Variants in PIGN observed in about 807,000 individuals in gnomAD.
PIGN encodes phosphatidylinositol glycan anchor biosynthesis class N, also known as GPI ethanolamine phosphate transferase 1.
PIGN carries 117 observed loss-of-function variants against 125.4 expected under a neutral mutation model. The observed-to-expected ratio is 0.93, with a 90% CI of 0.80 to 1.09. The LOEUF (loss-of-function observed/expected upper bound fraction) is 1.09, where lower values mean the gene tolerates loss of function less well. Among genes scored for constraint, PIGN ranks in the 50% least tolerant of loss-of-function variants. PIGN has a pLI of 0.00. For missense variants in PIGN, 1,075 were observed against 1,094.9 expected (o/e 0.98, Z 0.26); for synonymous variants, 392 against 377.8 (o/e 1.04, Z -0.44).
At chr18:62,147,466 C>A (rs1292620756) in intron 8 of PIGN, among the ~76,000 whole-genome samples, 1 of 152,134 alleles carries the variant, frequency 6.6e-6, no homozygotes, top group Non-Finnish European at 1.5e-5. Flanking sequence ...TATTTTCATT[C>A]CCTAAAGTGC....
At chr18:62,048,232 T>A (rs1417621206) in intron 30 of PIGN, among the ~76,000 whole-genome samples, 1 of 152,092 alleles carries the variant, frequency 6.6e-6, no homozygotes, top group Non-Finnish European at 1.5e-5. Flanking sequence ...GATCTAACAT[T>A]TGTGTCACTG....
At chr18:62,052,531 CT>C in intron 30 of PIGN, 1 of 138,168 alleles carries the variant, frequency 7.2e-6, no homozygotes, top group Non-Finnish European at 1.6e-5. Context: ...CAACCCCTGC[CT>C]TTTTTTGTTT....
Position 62,086,446 on chromosome 18 carries a change from G to A in PIGN, c.2371-1182C>T, listed in dbSNP as rs148612345. 3.0e-3 allele frequency among the ~76,000 whole-genome samples: 458 copies of A among 151,976 alleles called. 1 individual carries two copies. The highest frequency in any genetic ancestry group is 0.01 in the African/African-American group (427 of 41,496). ...ATCCTGGCCAACATGGTGAAACCCC[G>A]TCTCTACTAAAAATACAAAAATTAG... On this transcript the variant is annotated intron_variant, in intron 25 of 30. Coordinates refer to ENST00000640252, the MANE Select transcript of PIGN (RefSeq NM_176787.5).
At position 62,124,978 on chromosome 18, in the gene PIGN, T is replaced by G. The variant is rs909756347; in HGVS notation, c.1173-10339A>C. On this transcript the variant is annotated intron_variant, in intron 14 of 30. Transcript: ENST00000640252. Reference sequence around the variant, plus strand: ...AAAAAGCATGAGTAAAAAATAAAAATCACTGCCAGAGCACATATCTTACTA... The same window carrying G: ...AAAAAGCATGAGTAAAAAATAAAAAGCACTGCCAGAGCACATATCTTACTA... 2.6e-5 allele frequency among the ~76,000 whole-genome samples: 4 copies of G among 152,058 alleles called. No individual in the cohort carries two copies. The East Asian group carries it at 5.8e-4, about 22-fold the overall frequency.
chr18:62,032,583 T>C (rs962398956), intron 23 of PIGN, among the ~76,000 whole-genome samples: 2 of 152,198 alleles, frequency 1.3e-5, no homozygotes, highest in African/African-American at 2.4e-5. Flanking sequence ...AGTGATTGCA[T>C]TTTCAGAAAC....
At chr18:62,047,318 G>A (rs2030808308) in intron 30 of PIGN, among the ~76,000 whole-genome samples, 2 of 152,150 alleles carry the variant, frequency 1.3e-5, no homozygotes, top group South Asian at 4.1e-4. Flanking sequence ...TCCATACCTG[G>A]AGGATGTCAG....
intron 30 of PIGN, among the ~76,000 whole-genome samples, chr18:62,062,137 T>C (rs1356830163): frequency 6.6e-6 from 1 of 152,198 alleles, no homozygotes; most frequent in Non-Finnish European, 1.5e-5. Flanking sequence ...CAATTCCATT[T>C]AGAAAGCCTA....
intron 1 of PIGN, among the ~76,000 whole-genome samples, chr18:62,165,404 G>A (rs571470588): frequency 6.6e-6 from 1 of 152,206 alleles, no homozygotes; most frequent in South Asian, 2.1e-4. Context: ...ACTAAGACCT[G>A]GGGCTTCAAT....
At chr18:62,166,082 G>A (rs1165100549) in intron 1 of PIGN, among the ~76,000 whole-genome samples, 1 of 152,204 alleles carries the variant, frequency 6.6e-6, no homozygotes, top group Non-Finnish European at 1.5e-5. Context: ...TATGAATGAT[G>A]CAGCAGAAAG....
chr18:62,143,881 C>T (rs2036224585), intron 10 of PIGN, among the ~76,000 whole-genome samples: 1 of 152,126 alleles, frequency 6.6e-6, no homozygotes, highest in South Asian at 2.1e-4. Flanking sequence ...GCTCATTCTT[C>T]CATTTTTCTA....
At position 62,090,518 on chromosome 18, in the gene PIGN, T is replaced by G; in HGVS notation, c.2241A>C (p.Glu747Asp). 6.2e-7 allele frequency: 1 copy of G among 1,611,280 alleles called. No homozygotes were observed. The highest frequency in any genetic ancestry group is 8.5e-7 in the Non-Finnish European group (1 of 1,178,508). The change falls in exon 24 of 31, where the codon GAA becomes GAC. Residue 747 changes from glutamate to aspartate, a missense_variant. Physicochemically the swap from Glu to Asp is conservative, Grantham distance 45. Around this residue, in one of 3 missense-constraint regions of PIGN, gnomAD observed 915 missense variants for 908.7 expected, o/e 1.01. Transcript: ENST00000640252. ...SCLMFVWINIEQETLQQSGVC... is the reference protein window; with the variant it reads ...SCLMFVWINIDQETLQQSGVC... Reference sequence around the variant, plus strand: ...CACCAGATTGTTGTAGAGTTTCTTGTTCTATGTTTATCCAGACAAACATCA... The same window carrying G: ...CACCAGATTGTTGTAGAGTTTCTTGGTCTATGTTTATCCAGACAAACATCA...
intron 7 of PIGN, among the ~76,000 whole-genome samples, chr18:62,152,963 C>A (rs898492116): frequency 6.6e-6 from 1 of 152,000 alleles, no homozygotes; most frequent in Non-Finnish European, 1.5e-5. Context: ...GAGTCTCTAG[C>A]CAGGACATGA....
intron 30 of PIGN, among the ~76,000 whole-genome samples, chr18:62,065,388 G>A (rs373528692): frequency 1.3e-5 from 2 of 152,312 alleles, no homozygotes; most frequent in East Asian, 3.9e-4. Flanking sequence ...GAACTAACAA[G>A]AGAATGGATT....
intron 1 of PIGN, among the ~76,000 whole-genome samples, chr18:62,183,526 C>T (rs749135951): frequency 1.3e-5 from 2 of 152,234 alleles, no homozygotes; most frequent in Non-Finnish European, 2.9e-5. Context: ...CCATTTCAAG[C>T]ATCACTTCCT....
At chr18:62,181,038 G>A (rs2037699139) in intron 1 of PIGN, among the ~76,000 whole-genome samples, 2 of 152,082 alleles carry the variant, frequency 1.3e-5, no homozygotes, top group Non-Finnish European at 1.5e-5. Context: ...TATATGGTGT[G>A]AGGTAGACAT....
At chr18:62,088,097 T>C (rs1419264397) in intron 25 of PIGN, among the ~76,000 whole-genome samples, 2 of 152,200 alleles carry the variant, frequency 1.3e-5, no homozygotes, top group African/African-American at 2.4e-5. Flanking sequence ...GTGGTGATCA[T>C]TTTACAATGT....
chr18:62,121,311 C>T (rs1043934510), intron 14 of PIGN, among the ~76,000 whole-genome samples: 2 of 152,128 alleles, frequency 1.3e-5, no homozygotes, highest in Non-Finnish European at 2.9e-5. Flanking sequence ...TGTGCCCAGA[C>T]CTCAGAATTC....
chr18:62,167,404 G>A (rs1599675694), intron 1 of PIGN, among the ~76,000 whole-genome samples: 1 of 141,618 alleles, frequency 7.1e-6, no homozygotes, highest in East Asian at 2.2e-4. Context: ...GGCCGAGGTG[G>A]GTGGATCTCT....
intron 14 of PIGN, among the ~76,000 whole-genome samples, chr18:62,127,690 T>G (rs1407287420): frequency 6.6e-6 from 1 of 152,094 alleles, no homozygotes; most frequent in Non-Finnish European, 1.5e-5. Context: ...TTGTGTGTTT[T>G]TTTTTTGTTT....
Sources: allele counts gnomAD v4.1 joint callset (sites outside exome capture counted in the v4.1 genomes callset), GRCh38; gene constraint gnomAD v4.1.1; regional missense constraint gnomAD v4.1.1; transcripts MANE v1.5; gene names NCBI Gene and HGNC (gene_info 2026-07-23, HGNC 2026-07-21).